Variants in QTMAN observed in about 807,000 individuals in gnomAD.
QTMAN encodes the protein queuosine-tRNA mannosyltransferase, also known as tRNA-queuosine alpha-mannosyltransferase.
chr2:144,331,673 G>C, the QTMAN span, among the ~76,000 whole-genome samples: 3 of 152,134 alleles, frequency 2.0e-5, no homozygotes, highest in African/African-American at 7.2e-5. Flanking sequence ...ACTACTTCGG[G>C]ACTAAAGGTT....
chr2:144,064,759 T>C, the QTMAN span, among the ~76,000 whole-genome samples: 4 of 152,214 alleles, frequency 2.6e-5, no homozygotes. Flanking sequence ...GAGAGAACTG[T>C]GGCAAAAATT....
chr2:143,966,781 T>C, the QTMAN span, among the ~76,000 whole-genome samples: 1 of 152,248 alleles, frequency 6.6e-6, no homozygotes, highest in Non-Finnish European at 1.5e-5. Flanking sequence ...AACATAATTT[T>C]TGCTTGAAAA....
the QTMAN span, among the ~76,000 whole-genome samples, chr2:144,092,909 G>GTA: frequency 1.3e-5 from 2 of 151,174 alleles, no homozygotes; most frequent in Non-Finnish European, 3.0e-5. Flanking sequence ...GTGTGTGTGT[G>GTA]TAGGAAACAC....
the QTMAN span, among the ~76,000 whole-genome samples, chr2:144,196,721 T>G: frequency 6.6e-6 from 1 of 152,232 alleles, no homozygotes; most frequent in Admixed American, 6.5e-5. Flanking sequence ...GTTCATCAAA[T>G]GTATGCCTGC....
At chr2:144,204,878 C>T in the QTMAN span, among the ~76,000 whole-genome samples, 2 of 151,168 alleles carry the variant, frequency 1.3e-5, no homozygotes, top group Admixed American at 6.6e-5. Flanking sequence ...TCATTCTCAG[C>T]AAACTATTGC....
the QTMAN span, among the ~76,000 whole-genome samples, chr2:143,973,666 G>A: frequency 3.9e-5 from 6 of 152,104 alleles, no homozygotes; most frequent in Admixed American, 3.9e-4. Context: ...GCGCACGCTT[G>A]TAGTCCCAGC....
At chr2:144,106,989 C>G in the QTMAN span, among the ~76,000 whole-genome samples, 59 of 152,288 alleles carry the variant, frequency 3.9e-4, no homozygotes, top group African/African-American at 1.3e-3. Context: ...AACTGAACAA[C>G]CTGCTCCTGA....
chr2:143,976,320 G>T, the QTMAN span, among the ~76,000 whole-genome samples: 7,255 of 152,140 alleles, frequency 0.048, 270 homozygotes, highest in African/African-American at 0.098. Flanking sequence ...TCGGATAATA[G>T]ATGGCAATAA....
At chr2:144,217,844 A>T in the QTMAN span, among the ~76,000 whole-genome samples, 1 of 152,170 alleles carries the variant, frequency 6.6e-6, no homozygotes, top group African/African-American at 2.4e-5. Context: ...CTAGCTCAAA[A>T]ATTTACTACT....
chr2:144,052,051 G>T, the QTMAN span, among the ~76,000 whole-genome samples: 1 of 152,150 alleles, frequency 6.6e-6, no homozygotes, highest in East Asian at 1.9e-4. Flanking sequence ...TGCCCCAAAT[G>T]GGGCGACTGA....
At chr2:144,174,886 A>G in the QTMAN span, among the ~76,000 whole-genome samples, 1 of 152,184 alleles carries the variant, frequency 6.6e-6, no homozygotes, top group African/African-American at 2.4e-5. Context: ...ATTTCTTCAT[A>G]GGAGTATGAA....
chr2:144,183,508 A>G, the QTMAN span, among the ~76,000 whole-genome samples: 5 of 152,192 alleles, frequency 3.3e-5, no homozygotes, highest in Non-Finnish European at 7.3e-5. Flanking sequence ...ACAAGGGGAC[A>G]TGTAATCAAT....
chr2:144,296,844 A>G, the QTMAN span, among the ~76,000 whole-genome samples: 1 of 152,204 alleles, frequency 6.6e-6, no homozygotes, highest in Non-Finnish European at 1.5e-5. Context: ...TCTCTCCTGC[A>G]CTTCAGAGAC....
the QTMAN span, among the ~76,000 whole-genome samples, chr2:144,092,040 T>C: frequency 1.3e-5 from 2 of 151,986 alleles, no homozygotes; most frequent in African/African-American, 4.8e-5. Context: ...GGGATAGAAG[T>C]AGGGAAGTGA....
At chr2:144,208,656 G>A in the QTMAN span, 2 of 1,613,812 alleles carry the variant, frequency 1.2e-6, no homozygotes, top group South Asian at 1.1e-5. Flanking sequence ...CAGATGTCCG[G>A]GCTCTCCAAT....
At chr2:143,956,883 A>C in the QTMAN span, among the ~76,000 whole-genome samples, 1 of 152,092 alleles carries the variant, frequency 6.6e-6, no homozygotes, top group Non-Finnish European at 1.5e-5. Flanking sequence ...GTTCCAAGGG[A>C]GGAGGTTCTA....
the QTMAN span, among the ~76,000 whole-genome samples, chr2:144,247,515 T>C: frequency 6.6e-6 from 1 of 152,188 alleles, no homozygotes; most frequent in African/African-American, 2.4e-5. Flanking sequence ...GGCTGTGTAA[T>C]AGTGAAAAAT....
chr2:144,150,529 A>T, the QTMAN span, among the ~76,000 whole-genome samples: 2 of 152,100 alleles, frequency 1.3e-5, no homozygotes, highest in Non-Finnish European at 1.5e-5. Context: ...GACTAGCCAT[A>T]TGTGGTTAGT....
the QTMAN span, among the ~76,000 whole-genome samples, chr2:144,136,287 T>C: frequency 2.0e-5 from 3 of 149,890 alleles, no homozygotes; most frequent in African/African-American, 4.9e-5. Flanking sequence ...GATCACATCA[T>C]TGCACTCCAG....
Sources: gnomAD v4.1 joint callset for allele counts (sites outside exome capture counted in the v4.1 genomes callset) on GRCh38, gnomAD v4.1.1 for gene constraint, MANE v1.5 for transcripts, NCBI Gene and HGNC (gene_info 2026-07-23, HGNC 2026-07-21) for gene names.